CACNB2: variants seen among roughly 807,000 people sequenced by gnomAD.
CACNB2 encodes the protein calcium voltage-gated channel auxiliary subunit beta 2.
In CACNB2, 42 loss-of-function variants were observed where a neutral mutation model predicts 73.3. The ratio of observed to expected loss-of-function variants is 0.57; its 90% confidence interval spans 0.45 to 0.74. The LOEUF (loss-of-function observed/expected upper bound fraction) is 0.74. CACNB2 is among the 30% of genes least tolerant of loss of function. The pLI is 0.00. For missense variants in CACNB2, 940 were observed against 853.0 expected (o/e 1.10, Z -1.27); for synonymous variants, 348 against 310.3 (o/e 1.12, Z -1.28).
intron 2 of CACNB2, among the ~76,000 whole-genome samples, chr10:18,317,577 A>G (rs994044342): frequency 6.6e-6 from 1 of 152,070 alleles, no homozygotes; most frequent in Admixed American, 6.6e-5. Context: ...ATTCTTTTTT[A>G]TGGCTGCATA....
At position 18,294,020 on chromosome 10, in the gene CACNB2, T is replaced by C. The variant is rs186212864; in HGVS notation, c.214-107904T>C. Among the ~76,000 whole-genome samples, 10 of 152,318 alleles carry C rather than the reference T, an allele frequency of 6.6e-5. No individual in the cohort carries two copies. The East Asian group carries it at 1.9e-3, about 29-fold the overall frequency. ...TGCTTTTGCCACTGGCCAGTTTCCA[T>C]TTGGATATTTATTTAGACTTGAGTT... On this transcript the variant is annotated intron_variant, in intron 2 of 13. Transcript: ENST00000324631.
At chr10:18,382,740 T>G (rs934248381) in intron 2 of CACNB2, among the ~76,000 whole-genome samples, 4 of 152,194 alleles carry the variant, frequency 2.6e-5, no homozygotes, top group African/African-American at 9.7e-5. Flanking sequence ...TATGGATGCA[T>G]AGCATTTCAT....
At chr10:18,297,938 ATG>A (rs2039345731) in intron 2 of CACNB2, among the ~76,000 whole-genome samples, 1 of 152,196 alleles carries the variant, frequency 6.6e-6, no homozygotes, top group Non-Finnish European at 1.5e-5. Flanking sequence ...AGGCCGAAGA[ATG>A]TGGATAAAGA....
intron 2 of CACNB2, among the ~76,000 whole-genome samples, chr10:18,290,513 C>T (rs2039021547): frequency 1.3e-5 from 2 of 152,140 alleles, no homozygotes; most frequent in Non-Finnish European, 1.5e-5. Context: ...AAGAAAAAAA[C>T]TCAATGAAAT....
intron 2 of CACNB2, among the ~76,000 whole-genome samples, chr10:18,300,228 G>A (rs184935475): frequency 6.6e-6 from 1 of 152,134 alleles, no homozygotes; most frequent in Admixed American, 6.5e-5. Context: ...CACTCTATTG[G>A]TCAGGCTGGT....
At chr10:18,443,223 C>A (rs185910109) in intron 3 of CACNB2, among the ~76,000 whole-genome samples, 1 of 151,872 alleles carries the variant, frequency 6.6e-6, no homozygotes, top group Non-Finnish European at 1.5e-5. Flanking sequence ...GGGTGCTACA[C>A]AGACAGTGAA....
At chr10:18,482,121 T>C (rs111795505) in intron 3 of CACNB2, among the ~76,000 whole-genome samples, 1 of 152,148 alleles carries the variant, frequency 6.6e-6, no homozygotes, top group Admixed American at 6.5e-5. Context: ...CTCAAACTCA[T>C]GGCCTCAAGC....
intron 2 of CACNB2, among the ~76,000 whole-genome samples, chr10:18,265,266 A>G (rs1223325379): frequency 4.0e-5 from 6 of 149,832 alleles, no homozygotes; most frequent in Non-Finnish European, 5.9e-5. Context: ...CAGCCTCCTG[A>G]CTACAAGTGC....
intron 2 of CACNB2, among the ~76,000 whole-genome samples, chr10:18,194,647 G>T (rs1260062672): frequency 6.6e-6 from 1 of 152,132 alleles, no homozygotes; most frequent in African/African-American, 2.4e-5. Context: ...TGGGTGTGGG[G>T]GAGATATATT....
Position 18,506,667 on chromosome 10 carries a change from G to A in CACNB2, c.670+120G>A, listed in dbSNP as rs10741088. On this transcript the variant is annotated intron_variant, in intron 6 of 13. Coordinates refer to ENST00000324631, the MANE Select transcript of CACNB2 (RefSeq NM_201596.3). ...TATGTTAACCCTACAGATGTTAAAA[G>A]GAATCAGAAGTGAGCATGCCCTTTT... is the stretch of plus-strand genomic sequence containing the variant. 0.41 allele frequency: 300,569 copies of A among 727,756 alleles called. 64,679 individuals are homozygous for A. The highest frequency in any genetic ancestry group is 0.63 in the East Asian group (23,909 of 37,728). The allele number at this position is 727,756 out of a possible 1,614,324, so 45.1% of individuals were successfully genotyped here.
intron 12 of CACNB2, 80 bp from the exon 13 acceptor site, chr10:18,538,100 C>G: frequency 1.5e-6 from 2 of 1,350,242 alleles, no homozygotes; most frequent in African/African-American, 2.9e-5. Context: ...GCTCATGAGC[C>G]CCTTCCTCCT....
intron 2 of CACNB2, among the ~76,000 whole-genome samples, chr10:18,330,375 G>A (rs1317607327): frequency 6.6e-6 from 1 of 152,148 alleles, no homozygotes; most frequent in Non-Finnish European, 1.5e-5. Flanking sequence ...AGATGGCCAG[G>A]TGAAGCAGTT....
At chr10:18,228,145 G>A (rs1050814629) in intron 2 of CACNB2, among the ~76,000 whole-genome samples, 10 of 152,108 alleles carry the variant, frequency 6.6e-5, no homozygotes, top group African/African-American at 1.2e-4. Flanking sequence ...AAAATAGGCC[G>A]GACGCGGTGA....
intron 3 of CACNB2, among the ~76,000 whole-genome samples, chr10:18,444,299 C>A (rs2046626231): frequency 6.6e-6 from 1 of 152,166 alleles, no homozygotes; most frequent in Non-Finnish European, 1.5e-5. Context: ...GTCATTCTTT[C>A]CACTGAGGAC....
chr10:18,180,110 C>T (rs764597385), intron 2 of CACNB2, among the ~76,000 whole-genome samples: 49 of 152,110 alleles, frequency 3.2e-4, no homozygotes, highest in Non-Finnish European at 5.9e-4. Flanking sequence ...GGGAGAACTC[C>T]GAGGCCATAT....
chr10:18,460,710 G>A (rs2047526178), intron 3 of CACNB2, among the ~76,000 whole-genome samples: 1 of 151,986 alleles, frequency 6.6e-6, no homozygotes, highest in Non-Finnish European at 1.5e-5. Context: ...GGACAATGTA[G>A]TGAAACCCCA....
intron 3 of CACNB2, among the ~76,000 whole-genome samples, chr10:18,496,682 C>A (rs574079636): frequency 2.0e-5 from 3 of 151,328 alleles, no homozygotes; most frequent in Non-Finnish European, 4.4e-5. Flanking sequence ...GGCGTGGTGG[C>A]GGGTGCCTGT....
intron 10 of CACNB2, among the ~76,000 whole-genome samples, chr10:18,532,417 T>C (rs996670569): frequency 7.9e-5 from 12 of 152,146 alleles, no homozygotes; most frequent in Admixed American, 6.5e-5. Flanking sequence ...CTCACGCCTG[T>C]AATGCCAGCA....
rs142129089 is a variant in CACNB2 at position 18,343,864 on chromosome 10, C to T, written c.214-58060C>T. Among the ~76,000 whole-genome samples, 148 of 152,224 alleles carry T rather than the reference C, an allele frequency of 9.7e-4. 1 individual carries two copies. The highest frequency in any genetic ancestry group is 3.5e-3 in the African/African-American group (145 of 41,544). ...AAACTGTGTGCAAATATTTCAGTCT[C>T]TGCATATGTGAACATTTTCTAGCTT... On this transcript the variant is annotated intron_variant, in intron 2 of 13. Coordinates refer to ENST00000324631, the MANE Select transcript of CACNB2 (RefSeq NM_201596.3).
Sources: allele counts gnomAD v4.1 joint callset (sites outside exome capture counted in the v4.1 genomes callset), GRCh38; gene constraint gnomAD v4.1.1; transcripts MANE v1.5; gene names NCBI Gene and HGNC (gene_info 2026-07-23, HGNC 2026-07-21).